The following PYY variants were observed in gnomAD, a reference collection of about 807,000 sequenced individuals.
PYY encodes peptide YY.
A neutral mutation model predicts 10.3 loss-of-function variants in PYY; 12 were observed. That is an observed-to-expected ratio of 1.17 (90% CI 0.75 to 1.89). The LOEUF is 1.89. Among genes scored for constraint, PYY ranks in the 40% most tolerant of loss-of-function variants. The probability of loss-of-function intolerance (pLI) is 0.00; values close to 1 mark genes in which losing one functional copy is unlikely to be tolerated. For missense variants in PYY, 141 were observed against 134.0 expected (o/e 1.05, Z -0.26); for synonymous variants, 66 against 62.0 (o/e 1.06, Z -0.30).
chr17:43,988,380 G>A (rs911553448), intron 1 of PYY, among the ~76,000 whole-genome samples: 5 of 152,184 alleles, frequency 3.3e-5, no homozygotes, highest in South Asian at 4.1e-4. Context: ...CCGCACAAGC[G>A]TTAAATGGTG....
intron 3 of PYY, 41 bp downstream of exon 3, chr17:43,953,068 G>GATGT (rs781649398): frequency 6.2e-7 from 1 of 1,608,942 alleles, no homozygotes; most frequent in South Asian, 1.1e-5. Context: ...GGGCCAGGCC[G>GATGT]CGCTCTCGGA....
chr17:43,969,404 C>T (rs1485967522), intron 1 of PYY, among the ~76,000 whole-genome samples: 1 of 150,400 alleles, frequency 6.6e-6, no homozygotes, highest in African/African-American at 2.4e-5. Flanking sequence ...GTAATCCCAG[C>T]TACTCCAGAG....
At chr17:43,978,413 T>C (rs1029671193) in intron 1 of PYY, among the ~76,000 whole-genome samples, 5 of 152,202 alleles carry the variant, frequency 3.3e-5, no homozygotes, top group Admixed American at 6.5e-5. Flanking sequence ...CCCAGCACTT[T>C]GGGAGGCTAA....
At chr17:43,983,594 A>AC (rs1408825708) in intron 1 of PYY, among the ~76,000 whole-genome samples, 1 of 152,116 alleles carries the variant, frequency 6.6e-6, no homozygotes, top group Admixed American at 6.5e-5. Context: ...TCCCTCAAGG[A>AC]CCCCAAGCAC....
intron 1 of PYY, among the ~76,000 whole-genome samples, chr17:43,978,505 A>G (rs1368260810): frequency 2.6e-5 from 4 of 152,138 alleles, no homozygotes; most frequent in African/African-American, 9.7e-5. Flanking sequence ...AAAAGAAAAG[A>G]AAGTGTATCT....
At chr17:43,974,968 C>T (rs2048819167) in intron 1 of PYY, among the ~76,000 whole-genome samples, 3 of 152,020 alleles carry the variant, frequency 2.0e-5, no homozygotes, top group Non-Finnish European at 4.4e-5. Context: ...GGTGCAAAGC[C>T]GCCATCTCCC....
intron 1 of PYY, among the ~76,000 whole-genome samples, chr17:43,973,430 G>A (rs1037151221): frequency 6.6e-6 from 1 of 152,212 alleles, no homozygotes; most frequent in African/African-American, 2.4e-5. Context: ...AAGGGGCTGT[G>A]TGAGCCCCTT....
At position 43,985,454 on chromosome 17, in the gene PYY, C is replaced by A. The variant is rs72838309; in HGVS notation, c.-462-18922G>T. Among the ~76,000 whole-genome samples, 355 of 152,302 alleles carry A rather than the reference C, an allele frequency of 2.3e-3. 1 individual carries two copies. Among genetic ancestry groups the A allele is most frequent in the Middle Eastern group, 6.8e-3 (2 of 292 alleles). On this transcript the variant is annotated intron_variant, in intron 1 of 6. Transcript: ENST00000360085. Reference sequence around the variant, plus strand: ...TCTGGAACTCTTGTCCTCAAGAGATCCTCGGCCTCAGCCTCCCAAAGTGTA... The same window carrying A: ...TCTGGAACTCTTGTCCTCAAGAGATACTCGGCCTCAGCCTCCCAAAGTGTA...
intron 2 of PYY, among the ~76,000 whole-genome samples, chr17:43,960,540 A>AAG (rs1339622773): frequency 1.4e-5 from 2 of 147,646 alleles, no homozygotes; most frequent in Non-Finnish European, 3.0e-5. Flanking sequence ...CTCAAAAAAA[A>AAG]AAAAAAAAAA....
chr17:44,001,951 T>C (rs897218951), intron 1 of PYY, among the ~76,000 whole-genome samples: 1 of 152,138 alleles, frequency 6.6e-6, no homozygotes, highest in African/African-American at 2.4e-5. Context: ...AGGAAAACTA[T>C]TATGCCCCTG....
upstream of PYY, among the ~76,000 whole-genome samples, chr17:43,957,177 G>A (rs1234501133): frequency 2.1e-5 from 3 of 140,936 alleles, no homozygotes; most frequent in Admixed American, 1.5e-4. Context: ...CAGCCTGAGC[G>A]ACAGAGTGAA....
chr17:43,953,413 G>A lies in PYY; in HGVS notation c.71C>T (p.Ala24Val), dbSNP rs760026707. 6.2e-7 allele frequency: 1 copy of A among 1,612,764 alleles called. No homozygotes were observed. The highest frequency in any genetic ancestry group is 8.5e-7 in the Non-Finnish European group (1 of 1,179,560). ...TTTGATGGGGTAGGCGTCGACCAGCGCCCCTAGGCAGACGAGCAGGGCCAG... is the reference window on the plus strand; with the variant it reads ...TTTGATGGGGTAGGCGTCGACCAGCACCCCTAGGCAGACGAGCAGGGCCAG... ...VLLALLVCLG[A>V]LVDAYPIKPE... Residue 24 changes from alanine (A) to valine (V), a missense_variant, in exon 2 of 4, where the codon GCG becomes GTG. Transcript: ENST00000692052.
chr17:44,003,880 C>T (rs1315996768), intron 1 of PYY, among the ~76,000 whole-genome samples: 1 of 151,566 alleles, frequency 6.6e-6, no homozygotes, highest in Admixed American at 6.6e-5. Context: ...GTCCCAGCTA[C>T]TAGGGAGACT....
intron 2 of PYY, among the ~76,000 whole-genome samples, chr17:43,965,537 C>G (rs2048748614): frequency 1.3e-5 from 2 of 149,754 alleles, no homozygotes; most frequent in Non-Finnish European, 3.0e-5. Flanking sequence ...CACCTGTAAT[C>G]TCAGCACTTT....
chr17:43,968,303 C>A (rs2143913515), intron 1 of PYY, among the ~76,000 whole-genome samples: 1 of 152,216 alleles, frequency 6.6e-6, no homozygotes, highest in East Asian at 1.9e-4. Context: ...AACACGGACA[C>A]AATCATAGGA....
rs72838312 is a variant in PYY, at chr17:43,987,950, G to A, written c.-463+16441C>T. 0.099 allele frequency among the ~76,000 whole-genome samples: 15,090 copies of A among 152,172 alleles called. 1,928 individuals are homozygous for A. Among genetic ancestry groups the A allele is most frequent in the East Asian group, 0.61 (3,133 of 5,142 alleles). On this transcript the variant is annotated intron_variant, in intron 1 of 6. Coordinates refer to the PYY transcript ENST00000360085. The surrounding 1 kb of genome is among the most constrained non-coding windows in gnomAD (Gnocchi z 4.0). ...ATCTGTCCTGTCCAGTCCCCACGCC[G>A]GAAGTCCTCACAGCAGTCTGCTCTG...
At chr17:43,978,817 G>C (rs1314437701) in intron 1 of PYY, among the ~76,000 whole-genome samples, 2 of 152,178 alleles carry the variant, frequency 1.3e-5, no homozygotes, top group Non-Finnish European at 2.9e-5. Context: ...CCTTGGCTGG[G>C]TTGGGGCCCC....
rs571204523 is a variant in PYY at position 43,987,698 on chromosome 17, C to T, written c.-463+16693G>A. Among the ~76,000 whole-genome samples, 1 of 152,348 alleles carries T rather than the reference C, an allele frequency of 6.6e-6. No individual in the cohort carries two copies. The highest frequency in any genetic ancestry group is 2.4e-5 in the African/African-American group (1 of 41,580). On this transcript the variant is annotated intron_variant, in intron 1 of 6. Transcript: ENST00000360085. This position sits in a 1 kb window ranked among gnomAD's most constrained non-coding sequence, Gnocchi z 4.0. ...ACATTCACTGGGCCCCTCGTCTGTGCCAGTCCTTGCTCCAGGCACTGAGAG... is the reference window on the plus strand; with the variant it reads ...ACATTCACTGGGCCCCTCGTCTGTGTCAGTCCTTGCTCCAGGCACTGAGAG...
intron 1 of PYY, among the ~76,000 whole-genome samples, chr17:44,001,064 G>A (rs373362272): frequency 6.6e-6 from 1 of 152,098 alleles, no homozygotes; most frequent in South Asian, 2.1e-4. Flanking sequence ...ATGCTATGGG[G>A]CTCTGTATTT....
Sources: allele counts gnomAD v4.1 joint callset (sites outside exome capture counted in the v4.1 genomes callset), GRCh38; gene constraint gnomAD v4.1.1; non-coding constraint Gnocchi (gnomAD v3.1); transcripts MANE v1.5; gene names NCBI Gene and HGNC (gene_info 2026-07-23, HGNC 2026-07-21).